NUBPL: variants seen among roughly 807,000 people sequenced by gnomAD.
The protein encoded by NUBPL is NUBP iron-sulfur cluster assembly factor, mitochondrial.
NUBPL carries 31 observed loss-of-function variants against 45.7 expected under a neutral mutation model. That is an observed-to-expected ratio of 0.68 (90% CI 0.51 to 0.92). NUBPL has a LOEUF of 0.92. Among genes scored for constraint, NUBPL ranks in the 40% least tolerant of loss-of-function variants. The pLI is 0.00. For synonymous variants in NUBPL, 144 were observed against 140.9 expected (o/e 1.02, Z -0.15); for missense variants, 401 against 398.7 (o/e 1.01, Z -0.05).
intron 6 of NUBPL, among the ~76,000 whole-genome samples, chr14:31,715,581 TCTGA>T (rs1466146935): frequency 3.3e-5 from 5 of 152,176 alleles, no homozygotes; most frequent in African/African-American, 1.2e-4. Context: ...TATTTGTGTA[TCTGA>T]ACATACCTAA....
intron 3 of NUBPL, among the ~76,000 whole-genome samples, chr14:31,576,587 G>T (rs2033723780): frequency 1.3e-5 from 2 of 152,270 alleles, no homozygotes; most frequent in Non-Finnish European, 2.9e-5. Context: ...ATAGCCTAGA[G>T]ACTGTTTGGG....
chr14:31,588,699 G>A (rs1400150410), intron 3 of NUBPL, among the ~76,000 whole-genome samples: 3 of 151,748 alleles, frequency 2.0e-5, no homozygotes, highest in East Asian at 1.9e-4. Flanking sequence ...GGCAGATTAC[G>A]AGGTCAGGAG....
At chr14:31,587,121 CA>C (rs1411781504) in intron 3 of NUBPL, among the ~76,000 whole-genome samples, 1 of 152,104 alleles carries the variant, frequency 6.6e-6, no homozygotes, top group Admixed American at 6.5e-5. Context: ...TTAAATAAAT[CA>C]AAATCTCTGG....
At chr14:31,718,661 A>G (rs561529803) in intron 6 of NUBPL, among the ~76,000 whole-genome samples, 12 of 152,306 alleles carry the variant, frequency 7.9e-5, no homozygotes, top group African/African-American at 2.4e-4. Context: ...TCCAGGATGT[A>G]TGAGGAGTTG....
At chr14:31,842,276 C>A (rs2040389256) in intron 8 of NUBPL, among the ~76,000 whole-genome samples, 1 of 151,622 alleles carries the variant, frequency 6.6e-6, no homozygotes, top group Non-Finnish European at 1.5e-5. Flanking sequence ...TAAAATCAAG[C>A]AAAGTGGTAT....
intron 7 of NUBPL, among the ~76,000 whole-genome samples, chr14:31,818,783 T>A (rs2039968134): frequency 6.6e-6 from 1 of 152,152 alleles, no homozygotes; most frequent in African/African-American, 2.4e-5. Flanking sequence ...CTCCTGACCT[T>A]GTGATCTGCC....
At chr14:31,814,355 T>A (rs920158071) in intron 7 of NUBPL, among the ~76,000 whole-genome samples, 5 of 152,230 alleles carry the variant, frequency 3.3e-5, no homozygotes, top group Non-Finnish European at 7.3e-5. Context: ...TCTGTTCATA[T>A]CTTTTGCCCA....
At chr14:31,750,842 A>G (rs1167284578) in intron 6 of NUBPL, among the ~76,000 whole-genome samples, 1 of 152,150 alleles carries the variant, frequency 6.6e-6, no homozygotes, top group African/African-American at 2.4e-5. Flanking sequence ...GCTATAAAGA[A>G]CTACCTGAGA....
intron 9 of NUBPL, among the ~76,000 whole-genome samples, chr14:31,849,138 A>G (rs1476962225): frequency 1.3e-5 from 2 of 152,202 alleles, no homozygotes; most frequent in South Asian, 4.1e-4. Flanking sequence ...ATGAAATAAC[A>G]TTTACTTTTC....
intron 3 of NUBPL, among the ~76,000 whole-genome samples, chr14:31,573,447 A>G (rs1283539142): frequency 6.6e-6 from 1 of 152,146 alleles, no homozygotes; most frequent in South Asian, 2.1e-4. Context: ...TTTCTATGGT[A>G]GATGTGTATT....
chr14:31,577,244 T>C (rs2033740265), intron 3 of NUBPL, among the ~76,000 whole-genome samples: 1 of 152,224 alleles, frequency 6.6e-6, no homozygotes, highest in Non-Finnish European at 1.5e-5. Context: ...TTCTCTCCAC[T>C]GTCGTGAACC....
intron 7 of NUBPL, among the ~76,000 whole-genome samples, chr14:31,812,385 A>G (rs938308490): frequency 3.9e-5 from 6 of 152,130 alleles, no homozygotes; most frequent in Admixed American, 6.5e-5. Context: ...GCCTCCTTGC[A>G]GTTGGATCTG....
intron 6 of NUBPL, among the ~76,000 whole-genome samples, chr14:31,690,654 T>C (rs2037073104): frequency 6.6e-6 from 1 of 152,200 alleles, no homozygotes; most frequent in Non-Finnish European, 1.5e-5. Flanking sequence ...AAATTCCTGC[T>C]GGAGAAAAGC....
chr14:31,586,601 G>A (rs184848044), intron 3 of NUBPL, among the ~76,000 whole-genome samples: 9 of 152,312 alleles, frequency 5.9e-5, no homozygotes, highest in Non-Finnish European at 1.2e-4. Flanking sequence ...GAAAAAGAAT[G>A]TGTTCCCTTG....
At chr14:31,841,917 C>CTTTTGTTTTTTTTGTTTTTTTT in intron 8 of NUBPL, among the ~76,000 whole-genome samples, 1 of 43,036 alleles carries the variant, frequency 2.3e-5, no homozygotes, top group Non-Finnish European at 4.3e-5. Flanking sequence ...CGATTCTGGG[C>CTTTTGTTTTTTTTGTTTTTTTT]TTTTTTTTTT....
chr14:31,818,510 T>C (rs1475238688), intron 7 of NUBPL, among the ~76,000 whole-genome samples: 1 of 152,194 alleles, frequency 6.6e-6, no homozygotes, highest in Admixed American at 6.5e-5. Flanking sequence ...TTTCCACTTA[T>C]TATTGTGTTT....
intron 4 of NUBPL, among the ~76,000 whole-genome samples, chr14:31,619,262 T>C (rs1242749746): frequency 6.6e-6 from 1 of 152,224 alleles, no homozygotes; most frequent in Non-Finnish European, 1.5e-5. Flanking sequence ...TGTGTTTTAA[T>C]TGGGACATTT....
Position 31,673,569 on chromosome 14 carries a change from A to C in NUBPL, c.508A>C (p.Arg170=), listed in dbSNP as rs1247399917. Residue 170 remains arginine, a synonymous_variant, in exon 6 of 11, where the codon AGG becomes CGG. Transcript: ENST00000281081. ...AATGTCGGCCATTGAGAAATTGTTG[A>C]GGCAGGTAAGAATATTGCTTTAAAT... ...MVMSAIEKLL[R]QVDWGQLDYL... 1.2e-6 allele frequency: 2 copies of C among 1,612,588 alleles called. No homozygotes were observed. Among genetic ancestry groups the C allele is most frequent in the African/African-American group, 1.3e-5 (1 of 74,996 alleles).
At chr14:31,724,977 A>C (rs911100539) in intron 6 of NUBPL, among the ~76,000 whole-genome samples, 8 of 152,040 alleles carry the variant, frequency 5.3e-5, no homozygotes, top group African/African-American at 1.9e-4. Context: ...GAAGGGAACA[A>C]GTGCACAAGT....
Sources: allele counts gnomAD v4.1 joint callset (sites outside exome capture counted in the v4.1 genomes callset), GRCh38; gene constraint gnomAD v4.1.1; transcripts MANE v1.5; gene names NCBI Gene and HGNC (gene_info 2026-07-23, HGNC 2026-07-21).